TRIM49C: variants seen among roughly 807,000 people sequenced by gnomAD.
TRIM49C encodes the protein tripartite motif-containing protein 49C.
Under a neutral mutation model 21.4 loss-of-function variants are expected in TRIM49C, and 6 were observed. The ratio of observed to expected loss-of-function variants is 0.28; its 90% CI spans 0.15 to 0.55. TRIM49C has a LOEUF of 0.55. TRIM49C is among the 20% of genes least tolerant of loss of function. TRIM49C has a pLI of 0.94. For missense variants in TRIM49C, 161 were observed against 442.4 expected (o/e 0.36, Z 5.71); for synonymous variants, 57 against 148.1 (o/e 0.38, Z 4.47).
At chr11:90,047,941 G>A in the TRIM49C span, among the ~76,000 whole-genome samples, 1 of 120,562 alleles carries the variant, frequency 8.3e-6, no homozygotes, top group African/African-American at 3.4e-5. Flanking sequence ...GCTTCCTTTA[G>A]GAGCTCTTGT....
chr11:90,069,848 G>A, the TRIM49C span, among the ~76,000 whole-genome samples: 1 of 95,552 alleles, frequency 1.0e-5, no homozygotes, highest in African/African-American at 4.2e-5. Flanking sequence ...GTGCTCTGCT[G>A]CCTTTGGCAC....
the TRIM49C span, chr11:90,052,421 T>G: frequency 5.5e-6 from 1 of 182,870 alleles, no homozygotes; most frequent in African/African-American, 2.5e-5. Flanking sequence ...GTGGTCATCC[T>G]GACTATGTGG....
At chr11:90,032,011 T>C (rs1950691384) in intron 1 of TRIM49C, among the ~76,000 whole-genome samples, 1 of 136,656 alleles carries the variant, frequency 7.3e-6, no homozygotes, top group African/African-American at 2.6e-5. Flanking sequence ...AGTGTGAGCC[T>C]AAAGTCTTAG....
chr11:90,062,397 G>A, the TRIM49C span, among the ~76,000 whole-genome samples: 3 of 138,662 alleles, frequency 2.2e-5, no homozygotes, highest in Non-Finnish European at 3.1e-5. Context: ...CTCCTTTAGC[G>A]AAGTCTCAAC....
At chr11:90,067,040 T>C in the TRIM49C span, among the ~76,000 whole-genome samples, 1 of 137,726 alleles carries the variant, frequency 7.3e-6, no homozygotes, top group Non-Finnish European at 1.6e-5. Context: ...TCAAGTCTTT[T>C]TCAAACCAGT....
the TRIM49C span, among the ~76,000 whole-genome samples, chr11:90,054,402 C>A: frequency 1.5e-5 from 2 of 136,160 alleles, no homozygotes; most frequent in African/African-American, 5.2e-5. Flanking sequence ...GCCCTCCATT[C>A]AAGAGGTGAT....
chr11:90,065,692 C>T, the TRIM49C span, among the ~76,000 whole-genome samples: 1 of 141,112 alleles, frequency 7.1e-6, no homozygotes, highest in Non-Finnish European at 1.5e-5. Context: ...CAAGGTGGCT[C>T]ATGCCTGTAA....
At chr11:90,031,618 T>C (rs1950688333) in intron 1 of TRIM49C, among the ~76,000 whole-genome samples, 1 of 151,654 alleles carries the variant, frequency 6.6e-6, no homozygotes, top group African/African-American at 2.4e-5. Context: ...CTAGTCATTG[T>C]AGGACATCAT....
At chr11:90,043,825 A>C (rs505219), downstream of TRIM49C, among the ~76,000 whole-genome samples, 1 of 118,280 alleles carries the variant, frequency 8.5e-6, no homozygotes, top group African/African-American at 3.4e-5. Context: ...ATGTGCACAA[A>C]GTGCAGGTTT....
downstream of TRIM49C, among the ~76,000 whole-genome samples, chr11:90,046,644 T>A (rs1325877040): frequency 4.9e-5 from 6 of 123,506 alleles, 1 homozygote; most frequent in Non-Finnish European, 6.6e-5. Context: ...TGCATCTATT[T>A]GATTCTTCTC....
chr11:90,065,812 C>T, the TRIM49C span, among the ~76,000 whole-genome samples: 21 of 136,962 alleles, frequency 1.5e-4, 1 homozygote, highest in African/African-American at 4.2e-4. Context: ...AAAAATTAAC[C>T]GAGTTCGGCG....
rs647585 is a variant in TRIM49C at position 90,033,460 on chromosome 11, C to T, written c.-5+878C>T. Among the ~76,000 whole-genome samples the T allele has an allele frequency of 3.0e-5, 4 of 134,994 alleles. 1 individual carries two copies. Among genetic ancestry groups the T allele is most frequent in the East Asian group, 4.4e-4 (2 of 4,540 alleles). 88.6% of individuals were successfully genotyped at this position (134,994 alleles called of 152,430 possible). On this transcript the variant is annotated intron_variant, in intron 2 of 7. Coordinates refer to ENST00000448984, the MANE Select transcript of TRIM49C (RefSeq NM_001195234.1). ...ATAATACCAATATGTTTACTGTACC[C>T]TTTCTGTATTCAATTATGTTTAGAT...
chr11:90,056,835 AC>A, the TRIM49C span, among the ~76,000 whole-genome samples: 1 of 143,794 alleles, frequency 7.0e-6, no homozygotes, highest in African/African-American at 2.7e-5. Context: ...GATATAATAT[AC>A]TTGAGAAGAT....
chr11:90,062,880 C>T, the TRIM49C span: 1 of 1,412,190 alleles, frequency 7.1e-7, no homozygotes, highest in Non-Finnish European at 9.4e-7. Context: ...TGAGCAGAGG[C>T]AGAGGCAGGG....
chr11:90,038,967 T>A (rs1429489144), intron 6 of TRIM49C, among the ~76,000 whole-genome samples: 1 of 138,360 alleles, frequency 7.2e-6, no homozygotes, highest in East Asian at 2.2e-4. Flanking sequence ...TCGCCCAGGC[T>A]GGAGTGCAAT....
downstream of TRIM49C, among the ~76,000 whole-genome samples, chr11:90,043,832 G>A (rs608178): frequency 3.4e-5 from 4 of 118,070 alleles, 1 homozygote; most frequent in Non-Finnish European, 5.1e-5. Flanking sequence ...CAAAGTGCAG[G>A]TTTGTTACAT....
chr11:90,039,050 C>G (rs1167648637), intron 6 of TRIM49C, among the ~76,000 whole-genome samples: 2 of 135,344 alleles, frequency 1.5e-5, no homozygotes, highest in African/African-American at 2.7e-5. Context: ...CTCCCGAGTA[C>G]CCGGGACTAC....
rs770137446 is a variant in TRIM49C, at chr11:90,039,836, A to T, written c.762-29A>T. 24 of 853,786 alleles carry T rather than the reference A, an allele frequency of 2.8e-5. 6 individuals carry two copies. The South Asian group carries it at 3.3e-4, about 12-fold the overall frequency. 52.9% of individuals were successfully genotyped at this position (853,786 alleles called of 1,614,324 possible). On this transcript the variant is annotated intron_variant, in intron 6 of 7. Coordinates refer to ENST00000448984, the MANE Select transcript of TRIM49C (RefSeq NM_001195234.1). ...ATTTTTATTTATTTTATGGCTGTAG[A>T]TGTTGTAACTGCAGGTTTTTCCTTG...
At chr11:90,035,091 T>C in intron 2 of TRIM49C, 117 bp from the exon 3 acceptor site, 1 of 824,574 alleles carries the variant, frequency 1.2e-6, no homozygotes, top group Non-Finnish European at 1.9e-6. Flanking sequence ...AAATAGTTTG[T>C]TGTACTTTAA....
Sources: gnomAD v4.1 joint callset for allele counts (sites outside exome capture counted in the v4.1 genomes callset) on GRCh38, gnomAD v4.1.1 for gene constraint, MANE v1.5 for transcripts, NCBI Gene and HGNC (gene_info 2026-07-23, HGNC 2026-07-21) for gene names.